Variants in GALNT13 observed in about 807,000 individuals in gnomAD.
GALNT13 encodes UDP-GalNAc:polypeptide N-acetylgalactosaminyltransferase 13.
GALNT13 carries 28 observed loss-of-function variants against 64.2 expected under a neutral mutation model. The ratio of observed to expected loss-of-function variants is 0.44; its 90% CI spans 0.32 to 0.60. The LOEUF (loss-of-function observed/expected upper bound fraction) is 0.60, where lower values mean the gene tolerates loss of function less well. Among genes scored for constraint, GALNT13 ranks in the 20% least tolerant of loss-of-function variants. The pLI is 0.05. For missense variants in GALNT13, 577 were observed against 669.8 expected, an observed-to-expected ratio of 0.86 and a Z score of 1.53; for synonymous variants, 214 against 224.6, an observed-to-expected ratio of 0.95 and a Z score of 0.42.
intron 8 of GALNT13, among the ~76,000 whole-genome samples, chr2:154,284,550 CAT>C (rs1553508670): frequency 3.0e-4 from 46 of 150,826 alleles, no homozygotes; most frequent in African/African-American, 4.6e-4. Flanking sequence ...CACACACACA[CAT>C]ATATATGTAT....
At chr2:153,875,519 T>C (rs1040367922) in intron 1 of GALNT13, among the ~76,000 whole-genome samples, 2 of 152,208 alleles carry the variant, frequency 1.3e-5, no homozygotes, top group Non-Finnish European at 1.5e-5. Context: ...GTGAACTATG[T>C]TGTTATCATG....
the GALNT13 span, among the ~76,000 whole-genome samples, chr2:153,523,957 T>A: frequency 6.6e-6 from 1 of 152,116 alleles, no homozygotes; most frequent in Non-Finnish European, 1.5e-5. Flanking sequence ...TAAGTCAAGT[T>A]GAGTTATATA....
the GALNT13 span, among the ~76,000 whole-genome samples, chr2:153,392,781 C>T: frequency 0.015 from 2,318 of 151,914 alleles, 57 homozygotes; most frequent in African/African-American, 0.052. Context: ...TATTGATGTC[C>T]CCCCAAAGTT....
At chr2:153,461,862 C>T in the GALNT13 span, among the ~76,000 whole-genome samples, 1 of 152,078 alleles carries the variant, frequency 6.6e-6, no homozygotes, top group Non-Finnish European at 1.5e-5. Context: ...GAGCTCCTAA[C>T]TATAGACTTA....
chr2:154,431,071 A>G (rs1416549241), intron 11 of GALNT13, among the ~76,000 whole-genome samples: 1 of 152,190 alleles, frequency 6.6e-6, no homozygotes, highest in African/African-American at 2.4e-5. Context: ...GTGATCTGAA[A>G]CTGAACCCAC....
the GALNT13 span, among the ~76,000 whole-genome samples, chr2:153,089,195 T>G: frequency 2.0e-5 from 3 of 152,190 alleles, no homozygotes; most frequent in African/African-American, 7.2e-5. Context: ...CAGCATTTGT[T>G]TTTCTGAAAA....
chr2:153,557,148 C>T, the GALNT13 span, among the ~76,000 whole-genome samples: 1 of 151,992 alleles, frequency 6.6e-6, no homozygotes, highest in African/African-American at 2.4e-5. Context: ...ATTTTTTGCT[C>T]TACCTTTTCT....
At chr2:153,690,128 G>C in the GALNT13 span, among the ~76,000 whole-genome samples, 1 of 151,904 alleles carries the variant, frequency 6.6e-6, no homozygotes, top group Non-Finnish European at 1.5e-5. Context: ...AATCTACTGT[G>C]CTCATTTGAT....
intron 2 of GALNT13, among the ~76,000 whole-genome samples, chr2:153,915,717 A>C (rs969042292): frequency 2.0e-5 from 3 of 152,122 alleles, no homozygotes; most frequent in African/African-American, 7.2e-5. Flanking sequence ...AGTCTTAGCT[A>C]CATAACTTCA....
the GALNT13 span, among the ~76,000 whole-genome samples, chr2:153,072,720 A>G: frequency 0.029 from 4,393 of 152,288 alleles, 227 homozygotes; most frequent in African/African-American, 0.1. Context: ...GACATTAAAT[A>G]TACATTGCTA....
intron 3 of GALNT13, among the ~76,000 whole-genome samples, chr2:154,075,924 C>A (rs1700966225): frequency 6.6e-6 from 1 of 151,446 alleles, no homozygotes; most frequent in Non-Finnish European, 1.5e-5. Flanking sequence ...CATATATATA[C>A]ATATACATTT....
chr2:153,618,719 T>A, the GALNT13 span, among the ~76,000 whole-genome samples: 4 of 151,970 alleles, frequency 2.6e-5, no homozygotes, highest in Non-Finnish European at 5.9e-5. Flanking sequence ...TGCATATATA[T>A]TTAAAATTGT....
At chr2:153,719,812 G>A in the GALNT13 span, among the ~76,000 whole-genome samples, 13 of 151,710 alleles carry the variant, frequency 8.6e-5, no homozygotes, top group African/African-American at 3.1e-4. Flanking sequence ...AGGGTCCTAC[G>A]CCCACGGAAT....
At chr2:153,430,547 AG>A in the GALNT13 span, among the ~76,000 whole-genome samples, 1 of 147,004 alleles carries the variant, frequency 6.8e-6, no homozygotes. Context: ...AGAGAGAGAG[AG>A]AGAGAGACTA....
chr2:153,640,807 T>G, the GALNT13 span, among the ~76,000 whole-genome samples: 18 of 152,104 alleles, frequency 1.2e-4, no homozygotes, highest in Non-Finnish European at 1.8e-4. Context: ...TGGGAAGTGG[T>G]CTGCTGCAGC....
At chr2:153,149,172 A>C in the GALNT13 span, among the ~76,000 whole-genome samples, 1 of 151,892 alleles carries the variant, frequency 6.6e-6, no homozygotes, top group African/African-American at 2.4e-5. Context: ...TGGTCCAGAT[A>C]ATCTAGGCAG....
chr2:153,831,568 C>T, the GALNT13 span, among the ~76,000 whole-genome samples: 1 of 151,824 alleles, frequency 6.6e-6, no homozygotes, highest in Non-Finnish European at 1.5e-5. Flanking sequence ...CGCCTCAGCA[C>T]CCAGAAACCC....
chr2:153,453,557 C>T, the GALNT13 span, among the ~76,000 whole-genome samples: 1 of 152,060 alleles, frequency 6.6e-6, no homozygotes, highest in Non-Finnish European at 1.5e-5. Flanking sequence ...AAATCAAAAC[C>T]ACAGTGAGTT....
intron 3 of GALNT13, among the ~76,000 whole-genome samples, chr2:153,991,755 T>C (rs911492319): frequency 1.3e-5 from 2 of 152,180 alleles, no homozygotes; most frequent in Admixed American, 1.3e-4. Flanking sequence ...TTTCTGCCAT[T>C]ACTGGTTGTG....
Sources: allele counts gnomAD v4.1 joint callset (sites outside exome capture counted in the v4.1 genomes callset), GRCh38; gene constraint gnomAD v4.1.1; transcripts MANE v1.5; gene names NCBI Gene and HGNC (gene_info 2026-07-23, HGNC 2026-07-21).